TBC1D1: variants seen among roughly 807,000 people sequenced by gnomAD.
TBC1D1 encodes TBC1 domain family member 1.
Under a neutral mutation model 125.6 loss-of-function variants are expected in TBC1D1, and 89 were observed. That is an observed-to-expected ratio of 0.71 (90% CI 0.60 to 0.85). TBC1D1 has a LOEUF of 0.85. Among genes scored for constraint, TBC1D1 ranks in the 40% least tolerant of loss-of-function variants. TBC1D1 has a pLI of 0.00. For synonymous variants in TBC1D1, 565 were observed against 564.1 expected (o/e 1.00, Z -0.02); for missense variants, 1,377 against 1,469.2 (o/e 0.94, Z 1.03).
At chr4:37,972,583 G>A (rs1349626074) in intron 2 of TBC1D1, among the ~76,000 whole-genome samples, 1 of 151,926 alleles carries the variant, frequency 6.6e-6, no homozygotes, top group Non-Finnish European at 1.5e-5. Flanking sequence ...TTTCAGATGG[G>A]TGGGAGAGTA....
At chr4:37,996,577 CAT>C (rs1272370796) in intron 2 of TBC1D1, among the ~76,000 whole-genome samples, 6 of 152,216 alleles carry the variant, frequency 3.9e-5, no homozygotes, top group South Asian at 4.1e-4. Context: ...TTCTTGAACA[CAT>C]GTGATAAGTT....
chr4:38,026,733 C>G (rs1354854440), intron 6 of TBC1D1, among the ~76,000 whole-genome samples: 1 of 152,138 alleles, frequency 6.6e-6, no homozygotes, highest in Admixed American at 6.5e-5. Flanking sequence ...CAAGAAAAGG[C>G]AGTGCAGGCT....
At chr4:37,983,843 T>A (rs1317435231) in intron 2 of TBC1D1, among the ~76,000 whole-genome samples, 1 of 152,216 alleles carries the variant, frequency 6.6e-6, no homozygotes, top group Non-Finnish European at 1.5e-5. Context: ...ATGACGTATA[T>A]CCAGCATTAT....
chr4:38,049,819 G>C lies in TBC1D1; in HGVS notation c.1831G>C (p.Ala611Pro), dbSNP rs749965802. 1.2e-6 allele frequency: 2 copies of C among 1,614,098 alleles called. No homozygotes were observed. Among genetic ancestry groups the C allele is most frequent in the Non-Finnish European group, 1.7e-6 (2 of 1,180,000 alleles). ...CGAATGCCAGGAACCTCCACAACCT[G>C]CCCGGGGGTCCCCGGGGGTTTCGCA... Residue 611 changes from alanine (A) to proline (P), a missense_variant, in exon 11 of 20, where the codon GCC becomes CCC. Transcript: ENST00000261439.
Position 38,020,519 on chromosome 4 carries a change from T to C in TBC1D1, c.973-72T>C. Reference sequence around the variant, plus strand: ...AGTAAAATAAATTGTGCTGTATAAATCTTGAGGTGCATTTCTGAGGATGGT... The same window carrying C: ...AGTAAAATAAATTGTGCTGTATAAACCTTGAGGTGCATTTCTGAGGATGGT... On this transcript the variant is annotated intron_variant, in intron 4 of 19. Coordinates refer to ENST00000261439, the MANE Select transcript of TBC1D1 (RefSeq NM_015173.4). 8 of 1,212,864 alleles carry C rather than the reference T, an allele frequency of 6.6e-6. No homozygotes were observed. The South Asian group carries it at 8.5e-5, about 13-fold the overall frequency. 75.1% of individuals were successfully genotyped at this position (1,212,864 alleles called of 1,614,324 possible).
At chr4:38,123,909 T>C (rs1443230073) in intron 17 of TBC1D1, among the ~76,000 whole-genome samples, 1 of 152,248 alleles carries the variant, frequency 6.6e-6, no homozygotes, top group Non-Finnish European at 1.5e-5. Flanking sequence ...TTTGCTTTTC[T>C]GTTTCTTCGT....
chr4:37,927,751 G>A (rs1488014241), intron 2 of TBC1D1, among the ~76,000 whole-genome samples: 1 of 152,142 alleles, frequency 6.6e-6, no homozygotes, highest in Non-Finnish European at 1.5e-5. Flanking sequence ...ATATTGTTAG[G>A]TTAGCTGGCA....
At chr4:38,091,518 C>T (rs1015631501) in intron 13 of TBC1D1, among the ~76,000 whole-genome samples, 3 of 152,186 alleles carry the variant, frequency 2.0e-5, no homozygotes, top group East Asian at 1.9e-4. Context: ...CAGTTATGTT[C>T]GTGTGTATCT....
chr4:37,925,035 C>T (rs754370221), intron 2 of TBC1D1, among the ~76,000 whole-genome samples: 9 of 152,192 alleles, frequency 5.9e-5, no homozygotes, highest in Non-Finnish European at 8.8e-5. Flanking sequence ...AACATGCCAA[C>T]GACACATCCT....
intron 2 of TBC1D1, among the ~76,000 whole-genome samples, chr4:37,902,732 A>T (rs1716357052): frequency 6.6e-6 from 1 of 152,266 alleles, no homozygotes; most frequent in African/African-American, 2.4e-5. Flanking sequence ...GAGTTCAAAA[A>T]TTCAAGAGAA....
intron 2 of TBC1D1, among the ~76,000 whole-genome samples, chr4:37,984,968 C>T (rs1451127159): frequency 6.6e-6 from 1 of 151,826 alleles, no homozygotes; most frequent in African/African-American, 2.4e-5. Flanking sequence ...TATATATTTT[C>T]TTGAGATGGA....
At position 38,125,063 on chromosome 4, in the gene TBC1D1, A is replaced by G. The variant is rs1381214105; in HGVS notation, c.3064A>G (p.Ile1022Val). Residue 1022 changes from isoleucine (I) to valine (V), a missense_variant, in exon 18 of 20, where the codon ATA becomes GTA. By Grantham distance (29) the Ile-to-Val change is conservative. Around this residue, in one of 3 missense-constraint regions of TBC1D1, gnomAD observed 543 missense variants for 613.5 expected, o/e 0.89. Transcript: ENST00000261439. The stretch of plus-strand genomic sequence containing the variant: ...TCTGCAGCATGAAAACCTAGAAACC[A>G]TAGTTGACTTTATAAAAAGCACGCT... 1 of 1,614,046 alleles carries G rather than the reference A, an allele frequency of 6.2e-7. No homozygotes were observed. The highest frequency in any genetic ancestry group is 1.3e-5 in the African/African-American group (1 of 74,912).
chr4:38,133,759 C>G (rs565298077), intron 19 of TBC1D1, among the ~76,000 whole-genome samples: 1 of 152,312 alleles, frequency 6.6e-6, no homozygotes, highest in South Asian at 2.1e-4. Context: ...CAGTTCTCCC[C>G]TCTAGAAACT....
chr4:37,911,015 T>C (rs548100235), intron 2 of TBC1D1, among the ~76,000 whole-genome samples: 2 of 151,956 alleles, frequency 1.3e-5, no homozygotes, highest in African/African-American at 4.8e-5. Flanking sequence ...AAACTACGTA[T>C]GTAGCTTGCA....
At chr4:37,891,658 C>A (rs943132067) in intron 1 of TBC1D1, among the ~76,000 whole-genome samples, 1 of 142,132 alleles carries the variant, frequency 7.0e-6, no homozygotes, top group African/African-American at 2.6e-5. Flanking sequence ...CTCCCCTCCC[C>A]CCTCCCGCCA....
chr4:38,051,770 C>A, intron 11 of TBC1D1, 129 bp from the exon 12 acceptor site: 1 of 839,002 alleles, frequency 1.2e-6, no homozygotes, highest in African/African-American at 1.7e-5. Flanking sequence ...GGAAGAAGTC[C>A]TCCACTCTGA....
intron 2 of TBC1D1, among the ~76,000 whole-genome samples, chr4:37,916,396 GT>G (rs1459341129): frequency 1.3e-5 from 2 of 151,742 alleles, no homozygotes; most frequent in Non-Finnish European, 2.9e-5. Context: ...TCTTTTTATG[GT>G]GATAGAGGTG....
At chr4:38,097,183 A>G (rs1170050473) in intron 14 of TBC1D1, among the ~76,000 whole-genome samples, 2 of 151,964 alleles carry the variant, frequency 1.3e-5, no homozygotes, top group African/African-American at 2.4e-5. Flanking sequence ...CTTTTTTGAG[A>G]TGTAGTTTCA....
intron 2 of TBC1D1, among the ~76,000 whole-genome samples, chr4:37,987,850 C>T (rs1356825173): frequency 6.6e-5 from 10 of 152,220 alleles, no homozygotes; most frequent in African/African-American, 2.2e-4. Flanking sequence ...CAAAGTACCA[C>T]AGAACCATGT....
Sources: allele counts gnomAD v4.1 joint callset (sites outside exome capture counted in the v4.1 genomes callset), GRCh38; gene constraint gnomAD v4.1.1; regional missense constraint gnomAD v4.1.1; transcripts MANE v1.5; gene names NCBI Gene and HGNC (gene_info 2026-07-23, HGNC 2026-07-21).